COL6A6: variants seen among roughly 807,000 people sequenced by gnomAD.
COL6A6 encodes the protein collagen type VI alpha 6 chain.
Under a neutral mutation model 208.6 loss-of-function variants are expected in COL6A6, and 183 were observed. That is an observed-to-expected ratio of 0.88 (90% confidence interval 0.78 to 0.99). The LOEUF (loss-of-function observed/expected upper bound fraction) is 0.99. Among genes scored for constraint, COL6A6 ranks in the 50% least tolerant of loss-of-function variants. The pLI is 0.00. For missense variants in COL6A6, 2,816 were observed against 2,815.2 expected (o/e 1.00, Z -0.01); for synonymous variants, 973 against 1,011.8 (o/e 0.96, Z 0.73).
At chr3:130,664,107 C>T (rs1054986555) in intron 35 of COL6A6, among the ~76,000 whole-genome samples, 1 of 152,192 alleles carries the variant, frequency 6.6e-6, no homozygotes, top group African/African-American at 2.4e-5. Flanking sequence ...CGCTTTGTGG[C>T]TCTTATTTAA....
At chr3:130,588,680 T>C (rs2063598425) in intron 11 of COL6A6, among the ~76,000 whole-genome samples, 1 of 152,072 alleles carries the variant, frequency 6.6e-6, no homozygotes, top group Admixed American at 6.5e-5. Context: ...ATGAGGAAAA[T>C]AGCATGCATT....
chr3:130,655,027 A>G (rs2065750999), intron 33 of COL6A6, among the ~76,000 whole-genome samples: 2 of 152,126 alleles, frequency 1.3e-5, no homozygotes, highest in African/African-American at 4.8e-5. Flanking sequence ...AAACAACCTG[A>G]AGACATCTCA....
chr3:130,618,007 A>T (rs1176734144), intron 23 of COL6A6, among the ~76,000 whole-genome samples: 6 of 152,136 alleles, frequency 3.9e-5, no homozygotes, highest in Non-Finnish European at 8.8e-5. Flanking sequence ...AGGGCTCTGT[A>T]ACTAATACTC....
At chr3:130,671,833 C>T (rs1319440240) in intron 36 of COL6A6, among the ~76,000 whole-genome samples, 2 of 152,130 alleles carry the variant, frequency 1.3e-5, no homozygotes, top group African/African-American at 4.8e-5. Flanking sequence ...GATGAGAGAG[C>T]AGGGCACCCT....
intron 3 of COL6A6, 140 bp downstream of exon 3, chr3:130,563,804 G>A: frequency 6.6e-6 from 4 of 609,452 alleles, no homozygotes; most frequent in Non-Finnish European, 1.1e-5. Flanking sequence ...TCGTTTAAGA[G>A]AGTCCAGTGA....
chr3:130,642,853 T>G lies in COL6A6; in HGVS notation c.5176T>G (p.Leu1726Val). Residue 1726 changes from leucine to valine, a missense_variant, in exon 30 of 37, where the codon TTG (leucine) becomes GTG (valine). Coordinates refer to ENST00000358511, the MANE Select transcript of COL6A6 (RefSeq NM_001102608.3). ...CTAGGGTGTGAAAGGAGCCAAAGGC[T>G]TGGCTTCATTTTCTGTACGTATCTC... ...GRKGVKGAKG[L>V]ASFSTCELIQ... 1 of 1,613,958 alleles carries G rather than the reference T, an allele frequency of 6.2e-7. No homozygotes were observed. The highest frequency in any genetic ancestry group is 8.5e-7 in the Non-Finnish European group (1 of 1,179,848).
intron 33 of COL6A6, among the ~76,000 whole-genome samples, chr3:130,654,973 G>C (rs889171156): frequency 1.3e-5 from 2 of 152,170 alleles, no homozygotes; most frequent in Admixed American, 1.3e-4. Context: ...GGCCACAGGA[G>C]TGGTTGGTGG....
intron 33 of COL6A6, among the ~76,000 whole-genome samples, chr3:130,657,167 A>C (rs1418205798): frequency 1.3e-5 from 2 of 152,222 alleles, no homozygotes; most frequent in East Asian, 3.9e-4. Flanking sequence ...TACCCTGCCA[A>C]CTCAGAAGCG....
chr3:130,663,592 A>G (rs1188224647), intron 35 of COL6A6, among the ~76,000 whole-genome samples: 1 of 152,216 alleles, frequency 6.6e-6, no homozygotes, highest in African/African-American at 2.4e-5. Context: ...GATAACTTGT[A>G]AAGAAACTCT....
At position 130,573,771 on chromosome 3, in the gene COL6A6, A is replaced by G. The variant is rs563744051; in HGVS notation, c.2978-185A>G. ...TTTTTAGTTGATCCTGGGTTTCACC[A>G]TGTTAGCCAGGATGGTCTCGCTCTC... On this transcript the variant is annotated intron_variant, in intron 7 of 36. Transcript: ENST00000358511. 1.8e-4 allele frequency among the ~76,000 whole-genome samples: 28 copies of G among 151,940 alleles called. No homozygotes were observed. The East Asian group carries it at 2.3e-3, about 13-fold the overall frequency.
intron 28 of COL6A6, among the ~76,000 whole-genome samples, chr3:130,638,011 C>A (rs771243879): frequency 6.6e-6 from 1 of 151,952 alleles, no homozygotes; most frequent in Non-Finnish European, 1.5e-5. Flanking sequence ...CTACCCACAC[C>A]CCAGGTTATG....
At chr3:130,642,709 C>G (rs1270462224) in intron 29 of COL6A6, 123 bp from the exon 30 acceptor site, 2 of 808,358 alleles carry the variant, frequency 2.5e-6, no homozygotes, top group East Asian at 2.6e-5. Context: ...TTTTTTGCCT[C>G]TTACAATTTA....
chr3:130,627,210 C>T lies in COL6A6; in HGVS notation c.4942-109C>T, dbSNP rs958274372. 13 of 970,246 alleles carry T rather than the reference C, an allele frequency of 1.3e-5. No individual in the cohort carries two copies. In the African/African-American group the frequency reaches 1.5e-4, roughly 11 times the overall value. The allele number at this position is 970,246 out of a possible 1,614,324, so 60.1% of individuals were successfully genotyped here. A position where few individuals can be genotyped will look rare whatever the true frequency, so the allele number is the denominator to read the frequency against. On this transcript the variant is annotated intron_variant, in intron 25 of 36. Coordinates refer to ENST00000358511, the MANE Select transcript of COL6A6 (RefSeq NM_001102608.3). The stretch of plus-strand genomic sequence containing the variant: ...CTGCCCTAGAAGGAGGATCCTGTGT[C>T]CTGCTTTTCCTTTATCAAACCAAAA...
chr3:130,620,974 C>T (rs925322350), intron 23 of COL6A6, among the ~76,000 whole-genome samples: 1 of 152,092 alleles, frequency 6.6e-6, no homozygotes, highest in Non-Finnish European at 1.5e-5. Context: ...AATCTGATTC[C>T]AAGTGTTAAT....
chr3:130,590,299 ATTTTTTTT>A (rs71133610), intron 12 of COL6A6, among the ~76,000 whole-genome samples: 1 of 9,176 alleles, frequency 1.1e-4, no homozygotes, highest in Non-Finnish European at 2.2e-4. Flanking sequence ...ATATATATAT[ATTTTTTTT>A]TTTTTTTTTT....
At chr3:130,656,121 C>T (rs1278421982) in intron 33 of COL6A6, among the ~76,000 whole-genome samples, 1 of 152,230 alleles carries the variant, frequency 6.6e-6, no homozygotes, top group South Asian at 2.1e-4. Flanking sequence ...TCTGGGCTCC[C>T]CAGAGGGCTG....
chr3:130,614,585 T>C (rs1193782394), intron 23 of COL6A6, among the ~76,000 whole-genome samples: 3 of 152,208 alleles, frequency 2.0e-5, no homozygotes, highest in Non-Finnish European at 4.4e-5. Flanking sequence ...GTAGGAATGA[T>C]ATCAGCTCTT....
chr3:130,580,123 A>G (rs112107899), intron 8 of COL6A6, among the ~76,000 whole-genome samples: 16 of 152,306 alleles, frequency 1.1e-4, no homozygotes, highest in African/African-American at 3.8e-4. Flanking sequence ...TTCCTTAAAG[A>G]CATTATCATA....
chr3:130,635,582 C>T, intron 27 of COL6A6, 117 bp from the exon 28 acceptor site: 1 of 675,170 alleles, frequency 1.5e-6, no homozygotes, highest in East Asian at 2.8e-5. Context: ...TCAAAGATGA[C>T]TGTTAAAAAT....
Sources: gnomAD v4.1 joint callset for allele counts (sites outside exome capture counted in the v4.1 genomes callset) on GRCh38, gnomAD v4.1.1 for gene constraint, MANE v1.5 for transcripts, NCBI Gene and HGNC (gene_info 2026-07-23, HGNC 2026-07-21) for gene names.